Variants in IPO9 observed in about 807,000 individuals in gnomAD.
IPO9 encodes importin-9.
IPO9 carries 28 observed loss-of-function variants against 128.6 expected under a neutral mutation model. That is an observed-to-expected ratio of 0.22 (90% CI 0.16 to 0.30). IPO9 has a LOEUF of 0.30. Among genes scored for constraint, IPO9 ranks in the 10% least tolerant of loss-of-function variants. The probability of loss-of-function intolerance (pLI) is 1.00; values close to 1 mark genes in which losing one functional copy is unlikely to be tolerated. For synonymous variants in IPO9, 455 were observed against 475.8 expected (o/e 0.96, Z 0.57); for missense variants, 935 against 1,293.9 (o/e 0.72, Z 4.26).
At chr1:201,848,679 G>C in intron 4 of IPO9, 85 bp downstream of exon 4, 1 of 1,305,932 alleles carries the variant, frequency 7.7e-7, no homozygotes, top group Non-Finnish European at 1.1e-6. Context: ...ATAATGGCCT[G>C]GACCAGTAGG....
chr1:201,874,503 G>C (rs1680721776), intron 21 of IPO9, 131 bp downstream of exon 21: 2 of 1,035,630 alleles, frequency 1.9e-6, no homozygotes, highest in Non-Finnish European at 2.8e-6. Flanking sequence ...TCTGTGGCTG[G>C]CACCATGCTA....
intron 14 of IPO9, 49 bp from the exon 15 acceptor site, chr1:201,866,684 C>A: frequency 7.1e-7 from 1 of 1,403,308 alleles, no homozygotes; most frequent in Admixed American, 1.7e-5. Context: ...TTGGGAAAAC[C>A]AGGAATTGAA....
chr1:201,836,131 A>AC (rs1679917318), intron 1 of IPO9, among the ~76,000 whole-genome samples: 1 of 148,804 alleles, frequency 6.7e-6, no homozygotes, highest in East Asian at 1.9e-4. Context: ...AAAAAAAAAA[A>AC]AAAAAAAAAA....
At chr1:201,864,175 A>G (rs575280446) in intron 14 of IPO9, among the ~76,000 whole-genome samples, 6 of 152,310 alleles carry the variant, frequency 3.9e-5, no homozygotes, top group Admixed American at 3.9e-4. Flanking sequence ...TCCTATAACT[A>G]CCAACACAAA....
At position 201,849,610 on chromosome 1, in the gene IPO9, T is replaced by C. The variant is rs185327932; in HGVS notation, c.514+1016T>C. Among the ~76,000 whole-genome samples, 124 of 152,360 alleles carry C rather than the reference T, an allele frequency of 8.1e-4. 1 individual carries two copies. Among genetic ancestry groups the C allele is most frequent in the Admixed American group, 4.6e-3 (70 of 15,308 alleles). Reference sequence around the variant, plus strand: ...ATCTCAGTTTACTGAACTTGGCACATAGGCCCAATTTTGCTAGTCCATGTG... The same window carrying C: ...ATCTCAGTTTACTGAACTTGGCACACAGGCCCAATTTTGCTAGTCCATGTG... On this transcript the variant is annotated intron_variant, in intron 4 of 23. Transcript: ENST00000361565.
intron 13 of IPO9, chr1:201,863,229 G>A (rs1680482964): frequency 7.0e-6 from 2 of 285,886 alleles, no homozygotes; most frequent in South Asian, 1.0e-4. Flanking sequence ...GCAGGCGCCT[G>A]TGATCCCAAC....
chr1:201,868,526 G>A (rs1571554722), intron 15 of IPO9, 122 bp from the exon 16 acceptor site: 3 of 1,030,332 alleles, frequency 2.9e-6, no homozygotes, highest in Non-Finnish European at 4.1e-6. Context: ...TCCCGGGTAT[G>A]TGATAAGTAA....
At chr1:201,847,368 A>G in intron 2 of IPO9, 28 bp downstream of exon 2, 3 of 1,594,234 alleles carry the variant, frequency 1.9e-6, no homozygotes, top group Non-Finnish European at 2.6e-6. Flanking sequence ...CAATTTATAA[A>G]TAGTTTCCCT....
At position 201,879,590 on chromosome 1, in the gene IPO9, A is replaced by T. The variant is rs912702281; in HGVS notation, c.*3536A>T. ...ACCCTTAGGAAGGATGACAATTTAG[A>T]ATCCAAATTTAGGATCCAAACAAAT... On this transcript the variant is annotated 3_prime_UTR_variant, in exon 24 of 24. Coordinates refer to ENST00000361565, the MANE Select transcript of IPO9 (RefSeq NM_018085.5). 6 of 152,266 alleles carry T rather than the reference A, an allele frequency of 3.9e-5. No homozygotes were observed. The highest frequency in any genetic ancestry group is 6.5e-5 in the Admixed American group (1 of 15,290). 9.4% of individuals were successfully genotyped at this position (152,266 alleles called of 1,614,324 possible). A position where few individuals can be genotyped will look rare whatever the true frequency, so the allele number is the denominator to read the frequency against.
At chr1:201,857,525 G>A (rs964262083) in intron 11 of IPO9, among the ~76,000 whole-genome samples, 4 of 152,156 alleles carry the variant, frequency 2.6e-5, no homozygotes, top group Non-Finnish European at 5.9e-5. Flanking sequence ...GCTGGGCGTG[G>A]TGACTCACAC....
chr1:201,859,728 G>A (rs771969604), intron 13 of IPO9, among the ~76,000 whole-genome samples: 3 of 152,184 alleles, frequency 2.0e-5, no homozygotes, highest in Non-Finnish European at 4.4e-5. Context: ...GGGAGGCTAA[G>A]GCAGGTGACT....
chr1:201,832,091 G>A (rs1485616592), intron 1 of IPO9, among the ~76,000 whole-genome samples: 3 of 151,042 alleles, frequency 2.0e-5, no homozygotes, highest in South Asian at 4.2e-4. Flanking sequence ...TAGTAGAGAC[G>A]AGGTTTCACC....
rs1163239823 is a variant in IPO9 at position 201,869,663 on chromosome 1, C to G, written c.2078C>G (p.Ala693Gly). 1.9e-6 allele frequency: 3 copies of G among 1,614,068 alleles called. No individual in the cohort carries two copies. The highest frequency in any genetic ancestry group is 1.1e-5 in the South Asian group (1 of 91,082). The change falls in exon 17 of 24, where the codon GCT becomes GGT. Residue 693 changes from alanine to glycine, a missense_variant. Transcript: ENST00000361565. The part of the protein sequence containing the change: ...PPLSQLLICQ[A>G]FPAVAQCTLH... ...CTTTCCCAGCTTCTCATCTGCCAAG[C>G]TTTCCCTGCTGTGGCACAGTGTACC...
chr1:201,863,169 G>T (rs1302382876), intron 13 of IPO9, among the ~76,000 whole-genome samples: 2 of 152,102 alleles, frequency 1.3e-5, no homozygotes, highest in South Asian at 2.1e-4. Flanking sequence ...TGGCCAACAT[G>T]GCAAAACGCC....
At chr1:201,850,315 A>G (rs1680191479) in intron 4 of IPO9, 1 of 152,228 alleles carries the variant, frequency 6.6e-6, no homozygotes, top group Non-Finnish European at 1.5e-5. Context: ...TTAGGCATGC[A>G]TGAAGATAGC....
At chr1:201,834,658 A>C (rs1369325884) in intron 1 of IPO9, among the ~76,000 whole-genome samples, 1 of 152,164 alleles carries the variant, frequency 6.6e-6, no homozygotes, top group Non-Finnish European at 1.5e-5. Context: ...ACCCTAGGAC[A>C]TTTTCTTCTT....
Position 201,854,729 on chromosome 1 carries a change from C to T in IPO9, c.810+15C>T. ...AGGTCCTAAAGGTAAACACTTACTA[C>T]CAATGAAATATTTGGAGTTTGAGGG... is the stretch of plus-strand genomic sequence containing the variant. On this transcript the variant is annotated intron_variant, in intron 7 of 23. Coordinates refer to ENST00000361565, the MANE Select transcript of IPO9 (RefSeq NM_018085.5). 2 of 1,612,252 alleles carry T rather than the reference C, an allele frequency of 1.2e-6. No individual in the cohort carries two copies. Among genetic ancestry groups the T allele is most frequent in the Non-Finnish European group, 1.7e-6 (2 of 1,179,384 alleles).
intron 13 of IPO9, among the ~76,000 whole-genome samples, chr1:201,863,208 C>A (rs932525026): frequency 6.6e-6 from 1 of 152,096 alleles, no homozygotes; most frequent in African/African-American, 2.4e-5. Flanking sequence ...AAAAATTAGC[C>A]GGGCATGGTG....
At chr1:201,830,785 T>G (rs567275773) in intron 1 of IPO9, among the ~76,000 whole-genome samples, 1 of 152,334 alleles carries the variant, frequency 6.6e-6, no homozygotes, top group South Asian at 2.1e-4. Flanking sequence ...TCATCTTAAC[T>G]AAACCTTCCC....
Sources: gnomAD v4.1 joint callset for allele counts (sites outside exome capture counted in the v4.1 genomes callset) on GRCh38, gnomAD v4.1.1 for gene constraint, MANE v1.5 for transcripts, NCBI Gene and HGNC (gene_info 2026-07-23, HGNC 2026-07-21) for gene names.